The following BCR variants were observed in gnomAD, a reference collection of about 807,000 sequenced individuals.
The protein encoded by BCR is BCR activator of RhoGEF and GTPase, also known as breakpoint cluster region protein.
A neutral mutation model predicts 138.6 loss-of-function variants in BCR; 58 were observed. That is an observed-to-expected ratio of 0.42 (90% CI 0.34 to 0.52). BCR has a LOEUF of 0.52. Among genes scored for constraint, BCR ranks in the 20% least tolerant of loss-of-function variants. BCR has a pLI of 0.06. For missense variants in BCR, 1,599 were observed against 1,727.2 expected (o/e 0.93, Z 1.32); for synonymous variants, 786 against 730.1 (o/e 1.08, Z -1.23).
intron 2 of BCR, among the ~76,000 whole-genome samples, chr22:23,254,235 A>G (rs766242494): frequency 6.6e-6 from 1 of 151,956 alleles, no homozygotes; most frequent in Non-Finnish European, 1.5e-5. Context: ...GAGGCTGAGA[A>G]TGTCAGCACC....
At chr22:23,254,693 T>G in intron 2 of BCR, 1 of 456,670 alleles carries the variant, frequency 2.2e-6, no homozygotes, top group African/African-American at 2.0e-5. Flanking sequence ...GCTTCAGCAA[T>G]GCTCTGGGGC....
At chr22:23,233,378 A>G (rs575457374) in intron 1 of BCR, among the ~76,000 whole-genome samples, 29 of 152,146 alleles carry the variant, frequency 1.9e-4, no homozygotes, top group Non-Finnish European at 3.5e-4. Context: ...CAGAAGAGAC[A>G]CCACTGCTTC....
At chr22:23,224,910 G>A (rs1364212426) in intron 1 of BCR, among the ~76,000 whole-genome samples, 1 of 151,950 alleles carries the variant, frequency 6.6e-6, no homozygotes, top group Non-Finnish European at 1.5e-5. Context: ...TGGACAGAGT[G>A]GCCCCCTGCA....
intron 1 of BCR, among the ~76,000 whole-genome samples, chr22:23,245,178 A>G (rs2073142072): frequency 6.6e-6 from 1 of 152,188 alleles, no homozygotes; most frequent in South Asian, 2.1e-4. Flanking sequence ...TTTCTCCTCC[A>G]AGAAAGCTCA....
chr22:23,245,457 C>A (rs1040322547), intron 1 of BCR, among the ~76,000 whole-genome samples: 7 of 152,108 alleles, frequency 4.6e-5, no homozygotes, highest in African/African-American at 1.7e-4. Flanking sequence ...GCCACAGGAT[C>A]CTGGGGTGCT....
At chr22:23,194,945 T>A (rs190225386) in intron 1 of BCR, among the ~76,000 whole-genome samples, 1 of 151,920 alleles carries the variant, frequency 6.6e-6, no homozygotes, top group African/African-American at 2.4e-5. Context: ...CAAGACCCTA[T>A]CTCTAAAAAG....
chr22:23,281,220 G>A (rs2073640340), intron 8 of BCR, among the ~76,000 whole-genome samples: 2 of 152,228 alleles, frequency 1.3e-5, no homozygotes, highest in African/African-American at 4.8e-5. Flanking sequence ...CCCTGTCCCG[G>A]GGCCACTGAG....
chr22:23,286,092 G>A (rs1052439736), intron 10 of BCR, among the ~76,000 whole-genome samples: 2 of 152,236 alleles, frequency 1.3e-5, no homozygotes. Context: ...CCAGACAGTG[G>A]AGGGCTTGGA....
intron 11 of BCR, among the ~76,000 whole-genome samples, chr22:23,287,689 G>C (rs1250448944): frequency 6.6e-6 from 1 of 152,234 alleles, no homozygotes; most frequent in Non-Finnish European, 1.5e-5. Context: ...AGAATGGCTT[G>C]TTTTCTAGCC....
At position 23,235,112 on chromosome 22, in the gene BCR, T is replaced by C. The variant is rs943696280; in HGVS notation, c.1280-18687T>C. Reference sequence around the variant, plus strand: ...TTCTGTGGGGTTTTTTGTTTTGTTTTGTTTTTTTGAGATGGAGTCTCTCGC... The same window carrying C: ...TTCTGTGGGGTTTTTTGTTTTGTTTCGTTTTTTTGAGATGGAGTCTCTCGC... On this transcript the variant is annotated intron_variant, in intron 1 of 22. Coordinates refer to ENST00000305877, the MANE Select transcript of BCR (RefSeq NM_004327.4). Among the ~76,000 whole-genome samples, 6 of 144,080 alleles carry C rather than the reference T, an allele frequency of 4.2e-5. 1 individual carries two copies. Among genetic ancestry groups the C allele is most frequent in the Admixed American group, 2.8e-4 (4 of 14,284 alleles). The allele number at this position is 144,080 out of a possible 152,430, so 94.5% of individuals were successfully genotyped here.
intron 8 of BCR, among the ~76,000 whole-genome samples, chr22:23,278,154 C>T (rs5759675): frequency 0.37 from 56,123 of 152,174 alleles, 11,482 homozygotes; most frequent in African/African-American, 0.54. Flanking sequence ...CTTGGCACCA[C>T]GTGCTGCTCA....
Position 23,180,837 on chromosome 22 carries a change from G to C in BCR, c.-124G>C, listed in dbSNP as rs1382221722. On this transcript the variant is annotated 5_prime_UTR_variant, in exon 1 of 23. Transcript: ENST00000305877. ...AGGGAGTGGGCGGGCATTGTTCGCC[G>C]CCGCCGCCGCCGCGCGGGCCATGGG... The C allele has an allele frequency of 2.2e-6, 1 of 453,346 alleles. No individual in the cohort carries two copies. The highest frequency in any genetic ancestry group is 2.7e-6 in the Non-Finnish European group (1 of 369,426). 28.1% of individuals were successfully genotyped at this position (453,346 alleles called of 1,614,324 possible).
Position 23,182,175 on chromosome 22 carries a change from G to A in BCR, c.1215G>A (p.Val405=). ...CPVVVSEATI[V]GVRKTGQIWP... ...TTGTCGTGTCCGAGGCCACCATCGTGGGCGTCCGCAAGACCGGGCAGATCT... is the reference window on the plus strand; with the variant it reads ...TTGTCGTGTCCGAGGCCACCATCGTAGGCGTCCGCAAGACCGGGCAGATCT... The change falls in exon 1 of 23, where the codon GTG becomes GTA. Residue 405 remains valine (V), a synonymous_variant. Transcript: ENST00000305877. The A allele has an allele frequency of 3.1e-6, 5 of 1,604,078 alleles. No homozygotes were observed. The highest frequency in any genetic ancestry group is 4.2e-6 in the Non-Finnish European group (5 of 1,178,906).
At chr22:23,273,842 A>T (rs2073539941) in intron 8 of BCR, 68 bp downstream of exon 8, 6 of 1,595,964 alleles carry the variant, frequency 3.8e-6, no homozygotes, top group Non-Finnish European at 5.1e-6. Flanking sequence ...GGGCCCCTCG[A>T]TCTGAGGTCT....
At chr22:23,246,616 C>T (rs2073159926) in intron 1 of BCR, among the ~76,000 whole-genome samples, 1 of 152,184 alleles carries the variant, frequency 6.6e-6, no homozygotes, top group African/African-American at 2.4e-5. Flanking sequence ...CAGCTGGGCA[C>T]AGTCAAGCTC....
intron 1 of BCR, among the ~76,000 whole-genome samples, chr22:23,187,118 A>G (rs961992714): frequency 8.5e-5 from 13 of 152,200 alleles, no homozygotes; most frequent in African/African-American, 3.1e-4. Flanking sequence ...CACATAGCAC[A>G]TACTGGAAGA....
chr22:23,269,264 G>C (rs1660868659), intron 5 of BCR, among the ~76,000 whole-genome samples: 1 of 152,228 alleles, frequency 6.6e-6, no homozygotes, highest in South Asian at 2.1e-4. Flanking sequence ...GCCTGTGTCT[G>C]CCTGGTGGTC....
At chr22:23,206,344 G>T (rs897627308) in intron 1 of BCR, among the ~76,000 whole-genome samples, 1 of 152,182 alleles carries the variant, frequency 6.6e-6, no homozygotes, top group Admixed American at 6.5e-5. Context: ...GGAGGCCAAG[G>T]TGGGCGGATC....
rs2072858387 is a variant in BCR at position 23,223,871 on chromosome 22, C to T, written c.1280-29928C>T. On this transcript the variant is annotated intron_variant, in intron 1 of 22. Transcript: ENST00000305877. The stretch of plus-strand genomic sequence containing the variant: ...CTTTGCTGACCTTTTCCTTCCTTTC[C>T]CCGCTAAATGATTCCTGGCCAAAGC... Among the ~76,000 whole-genome samples the T allele has an allele frequency of 2.0e-5, 3 of 152,170 alleles. No individual in the cohort carries two copies. The South Asian group carries it at 6.2e-4, about 31-fold the overall frequency.
Sources: allele counts gnomAD v4.1 joint callset (sites outside exome capture counted in the v4.1 genomes callset), GRCh38; gene constraint gnomAD v4.1.1; transcripts MANE v1.5; gene names NCBI Gene and HGNC (gene_info 2026-07-23, HGNC 2026-07-21).